Variants in EIF2AK3 observed in about 807,000 individuals in gnomAD.
The protein encoded by EIF2AK3 is eukaryotic translation initiation factor 2 alpha kinase 3, also known as eukaryotic translation initiation factor 2-alpha kinase 3.
A neutral mutation model predicts 113.5 loss-of-function variants in EIF2AK3; 50 were observed. That is an observed-to-expected ratio of 0.44 (90% CI 0.35 to 0.56). The LOEUF (loss-of-function observed/expected upper bound fraction) is 0.56, where lower values mean the gene tolerates loss of function less well. Among genes scored for constraint, EIF2AK3 ranks in the 20% least tolerant of loss-of-function variants. EIF2AK3 has a pLI of 0.00. For synonymous variants in EIF2AK3, 448 were observed against 495.4 expected, an observed-to-expected ratio of 0.90 and a Z score of 1.27; for missense variants, 1,185 against 1,378.0, an observed-to-expected ratio of 0.86 and a Z score of 2.22.
chr2:88,590,722 C>A, intron 5 of EIF2AK3, 96 bp downstream of exon 5: 1 of 1,562,360 alleles, frequency 6.4e-7, no homozygotes, highest in South Asian at 1.1e-5. Context: ...AAGCTGAGAG[C>A]CCCAAGTAGT....
At chr2:88,613,911 T>C in intron 1 of EIF2AK3, 58 bp from the exon 2 acceptor site, 3 of 1,502,548 alleles carry the variant, frequency 2.0e-6, no homozygotes, top group Non-Finnish European at 2.7e-6. Flanking sequence ...TGGGCACTTA[T>C]CCCACATGCT....
intron 15 of EIF2AK3, 47 bp downstream of exon 15, chr2:88,562,242 A>G (rs1673985689): frequency 2.0e-6 from 3 of 1,477,502 alleles, no homozygotes; most frequent in Non-Finnish European, 2.8e-6. Context: ...TAAATGTTAG[A>G]TTATTTTCTG....
rs186972371 is a variant in EIF2AK3 at position 88,611,222 on chromosome 2, A to T, written c.438+2502T>A. 2.0e-5 allele frequency among the ~76,000 whole-genome samples: 3 copies of T among 152,314 alleles called. No homozygotes were observed. The East Asian group carries it at 5.8e-4, about 29-fold the overall frequency. ...CAATCTCGGGCTCAGTTCCAACTTCATCCATATATATAGCCGGTCAGCAAC... is the reference window on the plus strand; with the variant it reads ...CAATCTCGGGCTCAGTTCCAACTTCTTCCATATATATAGCCGGTCAGCAAC... On this transcript the variant is annotated intron_variant, in intron 2 of 16. Transcript: ENST00000303236.
At chr2:88,608,190 T>C (rs1675336587) in intron 2 of EIF2AK3, among the ~76,000 whole-genome samples, 1 of 152,162 alleles carries the variant, frequency 6.6e-6, no homozygotes, top group Admixed American at 6.5e-5. Context: ...ATAAGTAACT[T>C]TGATAGTTGC....
At chr2:88,624,467 C>CT (rs1675810187) in intron 1 of EIF2AK3, among the ~76,000 whole-genome samples, 2 of 152,324 alleles carry the variant, frequency 1.3e-5, no homozygotes, top group Admixed American at 6.5e-5. Context: ...CATTTAAACT[C>CT]TTTAAGTGTG....
intron 1 of EIF2AK3, among the ~76,000 whole-genome samples, chr2:88,625,284 T>TACAC (rs375827301): frequency 0.029 from 3,954 of 135,190 alleles, 99 homozygotes; most frequent in African/African-American, 0.058. Context: ...ATCGCTTACG[T>TACAC]ACACACACAC....
intron 1 of EIF2AK3, among the ~76,000 whole-genome samples, chr2:88,617,630 G>T (rs538376212): frequency 9.9e-5 from 15 of 151,982 alleles, no homozygotes; most frequent in Admixed American, 7.2e-4. Flanking sequence ...GGTGGTGCAT[G>T]CCTGTAGTCC....
chr2:88,567,834 G>GT (rs1452544538), intron 14 of EIF2AK3, among the ~76,000 whole-genome samples: 1 of 152,002 alleles, frequency 6.6e-6, no homozygotes, highest in East Asian at 1.9e-4. Flanking sequence ...TCATTCCAGA[G>GT]TTTTTTAATG....
At chr2:88,560,490 G>A (rs746168811) in intron 15 of EIF2AK3, among the ~76,000 whole-genome samples, 133 of 152,236 alleles carry the variant, frequency 8.7e-4, no homozygotes, top group Non-Finnish European at 1.4e-3. Context: ...ATAGCTTACT[G>A]TAGCCGTGAA....
intron 2 of EIF2AK3, among the ~76,000 whole-genome samples, chr2:88,604,015 A>G (rs1675212726): frequency 6.6e-6 from 1 of 151,772 alleles, no homozygotes; most frequent in Non-Finnish European, 1.5e-5. Flanking sequence ...ACTTTACTTC[A>G]CTCATTTCCA....
At position 88,590,949 on chromosome 2, in the gene EIF2AK3, C is replaced by T. The variant is rs2104438739; in HGVS notation, c.871G>A (p.Glu291Lys). The change falls in exon 5 of 17, where the codon GAG becomes AAG. Residue 291 changes from glutamate (E) to lysine (K), a missense_variant. Coordinates refer to ENST00000303236, the MANE Select transcript of EIF2AK3 (RefSeq NM_004836.7). ...TCCACATCTGAAATAATTTTAGACT[C>T]TTCTGTGTTCTCATTGGGCTTAAAG... ...STFKPNENTE[E>K]SKIISDVEEQ... 3 of 1,614,118 alleles carry T rather than the reference C, an allele frequency of 1.9e-6. No individual in the cohort carries two copies. The highest frequency in any genetic ancestry group is 2.2e-5 in the South Asian group (2 of 91,084).
rs778118471 is a variant in EIF2AK3 at position 88,579,505 on chromosome 2, T to C, written c.1886+13A>G. 1.2e-6 allele frequency: 2 copies of C among 1,613,468 alleles called. No individual in the cohort carries two copies. The highest frequency in any genetic ancestry group is 4.5e-5 in the East Asian group (2 of 44,808). ...GTGCTGATTTCAAGTTTACTGAAGG[T>C]ACCACCCATTACCTATTGGGGAGAC... On this transcript the variant is annotated intron_variant, in intron 11 of 16. Coordinates refer to ENST00000303236, the MANE Select transcript of EIF2AK3 (RefSeq NM_004836.7).
intron 9 of EIF2AK3, among the ~76,000 whole-genome samples, chr2:88,585,396 T>C (rs1033824606): frequency 1.3e-5 from 2 of 151,838 alleles, no homozygotes; most frequent in South Asian, 2.1e-4. Flanking sequence ...ACTTACTAGA[T>C]AGCTGTTCCA....
intron 11 of EIF2AK3, 97 bp downstream of exon 11, chr2:88,579,421 C>T: frequency 5.3e-6 from 8 of 1,507,416 alleles, no homozygotes; most frequent in Non-Finnish European, 7.3e-6. Flanking sequence ...AAACTGTTTT[C>T]TATGGTGTTT....
chr2:88,590,369 G>C, intron 6 of EIF2AK3, 74 bp downstream of exon 6: 13 of 1,509,144 alleles, frequency 8.6e-6, no homozygotes, highest in Non-Finnish European at 1.2e-5. Context: ...CACTCCTGAA[G>C]TAGGAAGGAA....
At chr2:88,570,781 T>G (rs1674284484) in intron 14 of EIF2AK3, 93 bp downstream of exon 14, 2 of 1,516,032 alleles carry the variant, frequency 1.3e-6, no homozygotes, top group Non-Finnish European at 1.8e-6. Context: ...CTTACTGGGT[T>G]TTAGATTACT....
chr2:88,622,977 T>C (rs374847993), intron 1 of EIF2AK3, among the ~76,000 whole-genome samples: 125 of 152,292 alleles, frequency 8.2e-4, no homozygotes, highest in African/African-American at 2.9e-3. Flanking sequence ...GATGCACAAA[T>C]TGAAGAAGCA....
intron 15 of EIF2AK3, among the ~76,000 whole-genome samples, chr2:88,559,603 GGAGA>G (rs147739928): frequency 8.7e-5 from 13 of 149,938 alleles, no homozygotes; most frequent in South Asian, 4.2e-4. Context: ...AAGAGAAAGG[GGAGA>G]GAGAGAGAGA....
Position 88,567,453 on chromosome 2 carries a change from T to C in EIF2AK3, c.2985+3421A>G, listed in dbSNP as rs375689977. ...AAGTACAAATCCCTATTCCCATCTT[T>C]ATTTTCCATGTTCTTACCATCGTCC... On this transcript the variant is annotated intron_variant, in intron 14 of 16. Transcript: ENST00000303236. 2.7e-4 allele frequency among the ~76,000 whole-genome samples: 41 copies of C among 152,354 alleles called. No individual in the cohort carries two copies. In the South Asian group the frequency reaches 7.5e-3, roughly 28 times the overall value.
Sources: allele counts gnomAD v4.1 joint callset (sites outside exome capture counted in the v4.1 genomes callset), GRCh38; gene constraint gnomAD v4.1.1; transcripts MANE v1.5; gene names NCBI Gene and HGNC (gene_info 2026-07-23, HGNC 2026-07-21).